The following TMPRSS9 variants were observed in gnomAD, a reference collection of about 807,000 sequenced individuals.
The protein encoded by TMPRSS9 is transmembrane serine protease 9, also known as transmembrane protease serine 9.
In TMPRSS9, 113 loss-of-function variants were observed where a neutral mutation model predicts 111.4. That is an observed-to-expected ratio of 1.01 (90% CI 0.87 to 1.19). The LOEUF (loss-of-function observed/expected upper bound fraction) is 1.19, where lower values mean the gene tolerates loss of function less well. TMPRSS9 is among the 50% of genes most tolerant of loss of function. The probability of loss-of-function intolerance (pLI) is 0.00; values close to 1 mark genes in which losing one functional copy is unlikely to be tolerated. For synonymous variants in TMPRSS9, 805 were observed against 659.1 expected, an observed-to-expected ratio of 1.22 and a Z score of -3.39; for missense variants, 1,803 against 1,513.1, an observed-to-expected ratio of 1.19 and a Z score of -3.18.
At chr19:2,421,754 T>A in intron 13 of TMPRSS9, 100 bp from the exon 15 acceptor site, 1 of 1,362,456 alleles carries the variant, frequency 7.3e-7, no homozygotes, top group Non-Finnish European at 1.0e-6. Flanking sequence ...CCCCCCGCCC[T>A]CGATGGCTCC....
At chr19:2,398,243 C>G (rs1599293018) in intron 2 of TMPRSS9, among the ~76,000 whole-genome samples, 1 of 149,914 alleles carries the variant, frequency 6.7e-6, no homozygotes, top group South Asian at 2.1e-4. Flanking sequence ...TTGCAATGAG[C>G]CGAGATCGTG....
At chr19:2,369,732 C>G (rs1031413347) in intron 1 of TMPRSS9, among the ~76,000 whole-genome samples, 1 of 151,786 alleles carries the variant, frequency 6.6e-6, no homozygotes, top group Non-Finnish European at 1.5e-5. Context: ...AGCCACTGCA[C>G]CTGGCCTAGT....
chr19:2,422,179 G>A (rs735911), exon 14 of TMPRSS9: 92,918 of 1,565,842 alleles, frequency 0.059, 4,725 homozygotes, highest in East Asian at 0.3. Context: ...TCTGCCGTGA[G>A]CACCACTGCT....
At chr19:2,388,954 C>T (rs766944403), upstream of TMPRSS9, among the ~76,000 whole-genome samples, 21 of 151,934 alleles carry the variant, frequency 1.4e-4, no homozygotes, top group Admixed American at 7.9e-4. Context: ...AGCCCCCAAG[C>T]GTGGGGTCCT....
intron 8 of TMPRSS9, among the ~76,000 whole-genome samples, chr19:2,409,827 C>T (rs2145355794): frequency 6.6e-6 from 1 of 151,820 alleles, no homozygotes; most frequent in South Asian, 2.1e-4. Context: ...TGGGGTGGGA[C>T]CAGAGTAAGA....
chr19:2,387,314 G>C (rs1400927554), upstream of TMPRSS9, among the ~76,000 whole-genome samples: 1 of 152,096 alleles, frequency 6.6e-6, no homozygotes, highest in African/African-American at 2.4e-5. Context: ...GGCCAACATG[G>C]CAAAACCCCC....
intron 13 of TMPRSS9, among the ~76,000 whole-genome samples, chr19:2,419,869 G>C (rs1971423882): frequency 6.6e-6 from 1 of 152,156 alleles, no homozygotes; most frequent in African/African-American, 2.4e-5. Context: ...ACACAGACAG[G>C]TTAATTTTCA....
intron 17 of TMPRSS9, 90 bp downstream of exon 18, chr19:2,425,583 C>A: frequency 2.1e-6 from 3 of 1,395,682 alleles, no homozygotes; most frequent in Non-Finnish European, 2.8e-6. Flanking sequence ...CATCCGGGAG[C>A]CACCCTCCGG....
chr19:2,421,829 C>G lies in TMPRSS9; in HGVS notation c.2155-25C>G, dbSNP rs775799965. On this transcript the variant is annotated intron_variant, in intron 13 of 17. Coordinates refer to ENST00000648592, the Ensembl canonical transcript of TMPRSS9. ...GAAGAGAGGGTCCCTGGAGGACCAA[C>G]CAGTGCTCTTTCCTTCCTTTCTAGG... The G allele has an allele frequency of 1.0e-5, 16 of 1,567,034 alleles. No individual in the cohort carries two copies. The South Asian group carries it at 1.5e-4, about 15-fold the overall frequency.
intron 1 of TMPRSS9, among the ~76,000 whole-genome samples, chr19:2,361,370 GA>G (rs1181504498): frequency 1.4e-5 from 2 of 146,068 alleles, no homozygotes; most frequent in African/African-American, 5.1e-5. Context: ...TCTGGGGTGG[GA>G]GGGGGGGCTG....
At chr19:2,405,281 C>A (rs1568181815) in intron 6 of TMPRSS9, 93 bp from the exon 8 acceptor site, 2 of 1,447,948 alleles carry the variant, frequency 1.4e-6, no homozygotes, top group African/African-American at 1.5e-5. Context: ...AACTTAGGGA[C>A]TGTAGACGAG....
exon 14 of TMPRSS9, chr19:2,421,944 G>A (rs771664187): frequency 1.3e-5 from 21 of 1,613,210 alleles, no homozygotes; most frequent in Non-Finnish European, 8.5e-7. Context: ...CTGCGCTCAG[G>A]TTAAGAAGCC....
intron 1 of TMPRSS9, among the ~76,000 whole-genome samples, chr19:2,376,241 C>T (rs1461420539): frequency 6.6e-6 from 1 of 152,120 alleles, no homozygotes; most frequent in Non-Finnish European, 1.5e-5. Flanking sequence ...CTTCCAGTCT[C>T]CCTGACCCTC....
At chr19:2,421,939 C>T (rs1040564792) in exon 14 of TMPRSS9, 1 of 1,613,172 alleles carries the variant, frequency 6.2e-7, no homozygotes, top group Middle Eastern at 1.7e-4. Flanking sequence ...ATTGGCTGCG[C>T]TCAGGTTAAG....
intron 1 of TMPRSS9, among the ~76,000 whole-genome samples, chr19:2,394,457 A>T (rs1302443021): frequency 6.6e-6 from 1 of 152,130 alleles, no homozygotes. Flanking sequence ...TTAGTTGGAG[A>T]TGAGAGGCTG....
Position 2,408,634 on chromosome 19 carries a change from A to T in TMPRSS9, c.1117+4A>T. 6.2e-7 allele frequency: 1 copy of T among 1,607,398 alleles called. No individual in the cohort carries two copies. Among genetic ancestry groups the T allele is most frequent in the Non-Finnish European group, 8.5e-7 (1 of 1,175,460 alleles). ...GGCTACCTCAAGGAGGACTTCCGTA[A>T]GCATCTTCCTCGGCCTGCAAGTGAG... On this transcript the variant is annotated splice_donor_region_variant and intron_variant, in intron 8 of 17. Coordinates refer to ENST00000648592, the Ensembl canonical transcript of TMPRSS9.
intron 17 of TMPRSS9, 122 bp from the exon 19 acceptor site, chr19:2,425,805 A>AGAT: frequency 1.5e-6 from 2 of 1,372,184 alleles, no homozygotes; most frequent in Non-Finnish European, 1.9e-6. Context: ...CCCATTTTCC[A>AGAT]GATAGTGAAA....
intron 14 of TMPRSS9, among the ~76,000 whole-genome samples, chr19:2,423,581 C>T (rs1971516859): frequency 1.3e-5 from 2 of 152,054 alleles, no homozygotes; most frequent in African/African-American, 4.8e-5. Context: ...TATGGGACCC[C>T]CTCCATGGGT....
At chr19:2,363,813 C>CGTGTGT (rs200272996) in intron 1 of TMPRSS9, among the ~76,000 whole-genome samples, 1 of 112,808 alleles carries the variant, frequency 8.9e-6, no homozygotes, top group African/African-American at 3.4e-5. Flanking sequence ...TGCGTGCGCG[C>CGTGTGT]GTGTGTGTGT....
Sources: allele counts gnomAD v4.1 joint callset (sites outside exome capture counted in the v4.1 genomes callset), GRCh38; gene constraint gnomAD v4.1.1; transcripts MANE v1.5; gene names NCBI Gene and HGNC (gene_info 2026-07-23, HGNC 2026-07-21).